The following FRMD4A variants were observed in gnomAD, a reference collection of about 807,000 sequenced individuals.
The protein encoded by FRMD4A is FERM domain containing 4A.
A neutral mutation model predicts 129.1 loss-of-function variants in FRMD4A; 29 were observed. The observed-to-expected ratio is 0.22, with a 90% CI of 0.17 to 0.31. FRMD4A has a LOEUF of 0.31. Ranked by LOEUF, FRMD4A falls within the 10% of genes least tolerant of loss-of-function variation. The probability of loss-of-function intolerance (pLI) is 1.00; values close to 1 mark genes in which losing one functional copy is unlikely to be tolerated. For synonymous variants in FRMD4A, 634 were observed against 571.6 expected (o/e 1.11, Z -1.56); for missense variants, 1,272 against 1,375.8 (o/e 0.92, Z 1.19).
chr10:14,075,544 A>T (rs541339378), intron 2 of FRMD4A, among the ~76,000 whole-genome samples: 4 of 152,232 alleles, frequency 2.6e-5, no homozygotes, highest in Admixed American at 1.3e-4. Context: ...CAAAACCAAC[A>T]GTGAAAAAGT....
intron 2 of FRMD4A, among the ~76,000 whole-genome samples, chr10:14,159,083 C>A (rs1223983461): frequency 6.6e-6 from 1 of 152,028 alleles, no homozygotes; most frequent in African/African-American, 2.4e-5. Context: ...GAGAGGGGAG[C>A]AGCCCGAGGA....
Position 14,119,446 on chromosome 10 carries a change from C to G in FRMD4A, c.45+210612G>C, listed in dbSNP as rs115347658. Among the ~76,000 whole-genome samples, 293 of 152,306 alleles carry G rather than the reference C, an allele frequency of 1.9e-3. 3 individuals carry two copies. Among genetic ancestry groups the G allele is most frequent in the African/African-American group, 6.8e-3 (281 of 41,568 alleles). On this transcript the variant is annotated intron_variant, in intron 2 of 24. Transcript: ENST00000357447. Reference sequence around the variant, plus strand: ...CTTGATGTGCAGATATAACGTTCCCCTTCCTAAGACGTTCATCTAGGAATG... The same window carrying G: ...CTTGATGTGCAGATATAACGTTCCCGTTCCTAAGACGTTCATCTAGGAATG...
chr10:14,138,455 A>G (rs1205895260), intron 2 of FRMD4A, among the ~76,000 whole-genome samples: 1 of 152,198 alleles, frequency 6.6e-6, no homozygotes, highest in African/African-American at 2.4e-5. Context: ...GGGATAATAG[A>G]CCAGTAGAAA....
At chr10:13,666,880 G>A (rs1204055420) in intron 17 of FRMD4A, among the ~76,000 whole-genome samples, 2 of 149,738 alleles carry the variant, frequency 1.3e-5, no homozygotes, top group Non-Finnish European at 3.0e-5. Flanking sequence ...CCACTCACCC[G>A]CGTGTCTTTC....
rs1200723708 is a variant in FRMD4A at position 14,009,070 on chromosome 10, C to T, written c.46-150158G>A. Among the ~76,000 whole-genome samples, 3 of 152,324 alleles carry T rather than the reference C, an allele frequency of 2.0e-5. No individual in the cohort carries two copies. The East Asian group carries it at 5.8e-4, about 29-fold the overall frequency. On this transcript the variant is annotated intron_variant, in intron 2 of 24. Transcript: ENST00000357447. ...AGAAATTATGTTTCGTTTTACACGG[C>T]TGTGTCGAAGCAGATTCATCCATCA...
At position 13,880,241 on chromosome 10, in the gene FRMD4A, C is replaced by A. The variant is rs563629969; in HGVS notation, c.46-21329G>T. Among the ~76,000 whole-genome samples the A allele has an allele frequency of 1.1e-4, 17 of 152,246 alleles. 1 individual carries two copies. The South Asian group carries it at 3.5e-3, about 32-fold the overall frequency. On this transcript the variant is annotated intron_variant, in intron 2 of 24. Coordinates refer to ENST00000357447, the MANE Select transcript of FRMD4A (RefSeq NM_018027.5). ...CTCACTTTTCCCCAGATCACAGCTTCCCCTCCCAGGTAATGGTAGCTCTGC... is the reference window on the plus strand; with the variant it reads ...CTCACTTTTCCCCAGATCACAGCTTACCCTCCCAGGTAATGGTAGCTCTGC...
chr10:13,737,966 C>A (rs1330796158), intron 11 of FRMD4A, 36 bp from the exon 12 acceptor site: 1 of 1,155,304 alleles, frequency 8.7e-7, no homozygotes, highest in Non-Finnish European at 1.3e-6. Context: ...GAATATGGGA[C>A]TGGAGGAAGT....
chr10:13,928,500 C>T (rs570655330), intron 2 of FRMD4A, among the ~76,000 whole-genome samples: 33 of 152,142 alleles, frequency 2.2e-4, no homozygotes, highest in Admixed American at 1.3e-3. Context: ...TCTACATGCA[C>T]ATTTTTTAAA....
At chr10:13,760,032 A>T (rs770157197) in intron 8 of FRMD4A, among the ~76,000 whole-genome samples, 2 of 152,016 alleles carry the variant, frequency 1.3e-5, no homozygotes, top group Non-Finnish European at 2.9e-5. Flanking sequence ...AACTGATTGG[A>T]AAAAGAAACC....
At chr10:13,735,285 G>A (rs921007288) in intron 12 of FRMD4A, among the ~76,000 whole-genome samples, 1 of 152,254 alleles carries the variant, frequency 6.6e-6, no homozygotes, top group Non-Finnish European at 1.5e-5. Flanking sequence ...CAAGGCCACA[G>A]AAACCCAAGT....
At chr10:14,316,155 G>A (rs1385935620) in intron 2 of FRMD4A, among the ~76,000 whole-genome samples, 1 of 152,146 alleles carries the variant, frequency 6.6e-6, no homozygotes, top group African/African-American at 2.4e-5. Flanking sequence ...CATGCTTCTT[G>A]GCTAGTGTCC....
chr10:13,989,753 A>G (rs901210059), intron 2 of FRMD4A, among the ~76,000 whole-genome samples: 1 of 152,262 alleles, frequency 6.6e-6, no homozygotes, highest in Admixed American at 6.5e-5. Context: ...GACAGAGGGC[A>G]GAGAGATGGG....
intron 2 of FRMD4A, among the ~76,000 whole-genome samples, chr10:14,264,037 C>T (rs994862639): frequency 6.6e-6 from 1 of 152,190 alleles, no homozygotes; most frequent in African/African-American, 2.4e-5. Context: ...CTAAGATTCG[C>T]TCCCAGAGTG....
intron 15 of FRMD4A, 175 bp downstream of exon 15, chr10:13,693,723 G>T (rs774659543): frequency 6.6e-6 from 5 of 755,086 alleles, no homozygotes; most frequent in South Asian, 4.6e-5. Context: ...TTTGATTCCT[G>T]GGAGCAGTTT....
intron 2 of FRMD4A, among the ~76,000 whole-genome samples, chr10:14,054,069 G>A (rs1260813499): frequency 6.6e-6 from 1 of 151,984 alleles, no homozygotes; most frequent in East Asian, 1.9e-4. Context: ...GGAGGGTGAG[G>A]TGGGATGATT....
At position 13,752,932 on chromosome 10, in the gene FRMD4A, T is replaced by C. The variant is rs79839637; in HGVS notation, c.465-5113A>G. Among the ~76,000 whole-genome samples, 939 of 152,336 alleles carry C rather than the reference T, an allele frequency of 6.2e-3. 13 individuals are homozygous for C. The highest frequency in any genetic ancestry group is 0.022 in the African/African-American group (907 of 41,580). On this transcript the variant is annotated intron_variant, in intron 8 of 24. Coordinates refer to ENST00000357447, the MANE Select transcript of FRMD4A (RefSeq NM_018027.5). ...GTTTTGGGCTGGAGGTGTTGATGTG[T>C]TTAATTCCAGGTGCTGCCCTAGGCC...
intron 3 of FRMD4A, 44 bp from the exon 4 acceptor site, chr10:13,810,952 T>C (rs754617130): frequency 1.0e-6 from 1 of 961,874 alleles, no homozygotes; most frequent in Admixed American, 2.1e-5. Context: ...GATGAGAGAC[T>C]GCTTTTCCTA....
chr10:14,078,470 T>C (rs1022712411), intron 2 of FRMD4A, among the ~76,000 whole-genome samples: 1 of 152,224 alleles, frequency 6.6e-6, no homozygotes, highest in African/African-American at 2.4e-5. Context: ...AAGGGAAGCT[T>C]CTTCCCGCCC....
chr10:13,689,198 CGGGGGGGGGGGG>C (rs61670615), intron 15 of FRMD4A, among the ~76,000 whole-genome samples: 48,843 of 68,196 alleles, frequency 0.72, 15,738 homozygotes, highest in African/African-American at 0.76. Context: ...AAACTCTTTG[CGGGGGGGGGGGG>C]GGGGGGGGGG....
Sources: allele counts gnomAD v4.1 joint callset (sites outside exome capture counted in the v4.1 genomes callset), GRCh38; gene constraint gnomAD v4.1.1; transcripts MANE v1.5; gene names NCBI Gene and HGNC (gene_info 2026-07-23, HGNC 2026-07-21).